The following DIAPH2 variants were observed in gnomAD, a reference collection of about 807,000 sequenced individuals.
DIAPH2 encodes protein diaphanous homolog 2.
In DIAPH2, 35 loss-of-function variants were observed where a neutral mutation model predicts 92.7. That is an observed-to-expected ratio of 0.38 (90% CI 0.29 to 0.50). The LOEUF (loss-of-function observed/expected upper bound fraction) is 0.50, where lower values mean the gene tolerates loss of function less well. Among genes scored for constraint, DIAPH2 ranks in the 20% least tolerant of loss-of-function variants. The probability of loss-of-function intolerance (pLI) is 0.94; values close to 1 mark genes in which losing one functional copy is unlikely to be tolerated. For missense variants in DIAPH2, 701 were observed against 819.5 expected, an observed-to-expected ratio of 0.86 and a Z score of 1.77; for synonymous variants, 301 against 280.4, an observed-to-expected ratio of 1.07 and a Z score of -0.73.
chrX:97,217,245 C>G (rs1412528070), intron 22 of DIAPH2, among the ~76,000 whole-genome samples: 1 of 111,424 alleles, frequency 9.0e-6, no homozygotes, highest in Non-Finnish European at 1.9e-5. Flanking sequence ...GGGACTGTTG[C>G]GTCTCACTTC....
At chrX:97,596,658 A>T (rs1350955869) in intron 26 of DIAPH2, among the ~76,000 whole-genome samples, 4 of 111,471 alleles carry the variant, frequency 3.6e-5, no homozygotes, top group African/African-American at 1.3e-4. Context: ...AATGTATATC[A>T]CCTCTGGCAG....
intron 26 of DIAPH2, among the ~76,000 whole-genome samples, chrX:97,572,923 T>C (rs2071378413): frequency 8.9e-6 from 1 of 112,033 alleles, no homozygotes; most frequent in Non-Finnish European, 1.9e-5. Flanking sequence ...TCCAGGAAAG[T>C]ACAGTATCTG....
chrX:96,884,255 G>A (rs1288632244), intron 5 of DIAPH2: 13 of 1,094,810 alleles, frequency 1.2e-5, no homozygotes, highest in Non-Finnish European at 1.5e-5. Context: ...AAAGCCGTCC[G>A]TGGAGCCCCA....
chrX:96,785,530 C>T (rs754648224), intron 4 of DIAPH2, among the ~76,000 whole-genome samples: 3 of 18,389 alleles, frequency 1.6e-4, no homozygotes, highest in South Asian at 7.4e-3. Flanking sequence ...TGCCCAGGCA[C>T]GATCTTGGCT....
intron 4 of DIAPH2, among the ~76,000 whole-genome samples, chrX:96,879,799 A>G (rs1046616194): frequency 1.8e-5 from 2 of 110,374 alleles, no homozygotes; most frequent in Non-Finnish European, 3.8e-5. Context: ...GCGGGATCTC[A>G]GCTCACTGCA....
chrX:96,961,090 T>C (rs1371121443), intron 16 of DIAPH2, among the ~76,000 whole-genome samples: 1 of 111,684 alleles, frequency 9.0e-6, no homozygotes, highest in Non-Finnish European at 1.9e-5. Flanking sequence ...GGGGTAATGC[T>C]GGCCTCGTAG....
intron 17 of DIAPH2, among the ~76,000 whole-genome samples, chrX:97,025,050 C>G (rs1004994499): frequency 1.1e-4 from 12 of 112,325 alleles, no homozygotes; most frequent in African/African-American, 3.9e-4. Flanking sequence ...TAGCTCCAGA[C>G]TTAAGAGTTA....
chrX:97,163,344 C>T (rs913763620), intron 22 of DIAPH2, among the ~76,000 whole-genome samples: 1 of 110,425 alleles, frequency 9.1e-6, no homozygotes, highest in Non-Finnish European at 1.9e-5. Context: ...CACATGGCAC[C>T]ACGCCTGGCT....
At chrX:97,207,304 TAA>T (rs771213953) in intron 22 of DIAPH2, among the ~76,000 whole-genome samples, 1 of 111,942 alleles carries the variant, frequency 8.9e-6, no homozygotes, top group African/African-American at 3.2e-5. Flanking sequence ...TTTAATATTT[TAA>T]ACCCAAGTTA....
At chrX:97,343,782 GAGA>G (rs1471276467) in intron 23 of DIAPH2, among the ~76,000 whole-genome samples, 2 of 110,686 alleles carry the variant, frequency 1.8e-5, no homozygotes, top group Non-Finnish European at 3.8e-5. Flanking sequence ...CAGAAATTAA[GAGA>G]AGTAGCTAAA....
intron 17 of DIAPH2, among the ~76,000 whole-genome samples, chrX:96,997,904 A>G (rs954478284): frequency 1.8e-5 from 2 of 112,327 alleles, no homozygotes; most frequent in Non-Finnish European, 3.8e-5. Context: ...TTCAGTGGAT[A>G]GCATAAACAT....
chrX:97,541,004 GGA>G (rs2071135952), intron 26 of DIAPH2, among the ~76,000 whole-genome samples: 1 of 111,465 alleles, frequency 9.0e-6, no homozygotes, highest in Admixed American at 9.6e-5. Flanking sequence ...TGAGCTCTCA[GGA>G]GAGAGAAAAA....
intron 23 of DIAPH2, among the ~76,000 whole-genome samples, chrX:97,333,774 G>C (rs371108587): frequency 2.7e-5 from 3 of 109,739 alleles, no homozygotes; most frequent in African/African-American, 9.9e-5. Flanking sequence ...CATGTTGGCC[G>C]GGCTGGTCTC....
intron 26 of DIAPH2, among the ~76,000 whole-genome samples, chrX:97,489,409 C>T (rs1488205775): frequency 9.0e-6 from 1 of 110,506 alleles, no homozygotes; most frequent in Non-Finnish European, 1.9e-5. Flanking sequence ...TTTTTCCTCC[C>T]AATTTTAATG....
intron 2 of DIAPH2, among the ~76,000 whole-genome samples, chrX:96,736,955 G>A (rs752833590): frequency 8.9e-6 from 1 of 112,016 alleles, no homozygotes; most frequent in Non-Finnish European, 1.9e-5. Flanking sequence ...TATATCCTCA[G>A]CTTATTTTGG....
At chrX:96,889,430 C>A (rs1231631250) in intron 5 of DIAPH2, among the ~76,000 whole-genome samples, 1 of 111,578 alleles carries the variant, frequency 9.0e-6, no homozygotes, top group Non-Finnish European at 1.9e-5. Context: ...ATATTTATTC[C>A]AATTTGCCAT....
intron 17 of DIAPH2, among the ~76,000 whole-genome samples, chrX:96,992,994 TC>T (rs779236726): frequency 2.6e-3 from 295 of 112,493 alleles, no homozygotes; most frequent in African/African-American, 9.1e-3. Context: ...AAACATGGAA[TC>T]CACTTTGTTT....
intron 25 of DIAPH2, among the ~76,000 whole-genome samples, chrX:97,395,414 G>T (rs746689310): frequency 8.9e-6 from 1 of 111,802 alleles, no homozygotes. Flanking sequence ...TTTTGGACAT[G>T]TAGCCAGCAC....
chrX:96,804,244 C>T (rs978985134), intron 4 of DIAPH2, among the ~76,000 whole-genome samples: 1 of 111,586 alleles, frequency 9.0e-6, no homozygotes, highest in Non-Finnish European at 1.9e-5. Flanking sequence ...AGACTTCTCA[C>T]CTGCCTAATG....
Sources: gnomAD v4.1 joint callset for allele counts (sites outside exome capture counted in the v4.1 genomes callset) on GRCh38, gnomAD v4.1.1 for gene constraint, MANE v1.5 for transcripts, NCBI Gene and HGNC (gene_info 2026-07-23, HGNC 2026-07-21) for gene names.